PRR11: variants seen among roughly 807,000 people sequenced by gnomAD.
PRR11 encodes proline-rich protein 11.
A neutral mutation model predicts 45.6 loss-of-function variants in PRR11; 30 were observed. The observed-to-expected ratio is 0.66, with a 90% CI of 0.49 to 0.89. The LOEUF (loss-of-function observed/expected upper bound fraction) is 0.89. Ranked by LOEUF, PRR11 falls within the 40% of genes least tolerant of loss-of-function variation. The pLI, the probability that PRR11 is intolerant of heterozygous loss-of-function variation, is 0.00. For synonymous variants in PRR11, 128 were observed against 153.5 expected, an observed-to-expected ratio of 0.83 and a Z score of 1.23; for missense variants, 373 against 424.8, an observed-to-expected ratio of 0.88 and a Z score of 1.07.
At chr17:59,181,567 T>TGCTTCA in intron 2 of PRR11, 2 of 1,280,774 alleles carry the variant, frequency 1.6e-6, no homozygotes, top group Admixed American at 1.7e-5. Flanking sequence ...CACTAGCCGT[T>TGCTTCA]GCTTCAGCTT....
Position 59,174,851 on chromosome 17 carries a change from G to A in PRR11, c.128+4971G>A, listed in dbSNP as rs546264273. 1.3e-4 allele frequency: 163 copies of A among 1,260,408 alleles called. 1 individual carries two copies. In the South Asian group the frequency reaches 1.8e-3, roughly 14 times the overall value. 78.1% of individuals were successfully genotyped at this position (1,260,408 alleles called of 1,614,324 possible). A position where few individuals can be genotyped will look rare whatever the true frequency, so the allele number is the denominator to read the frequency against. On this transcript the variant is annotated intron_variant, in intron 2 of 9. Coordinates refer to ENST00000262293, the MANE Select transcript of PRR11 (RefSeq NM_018304.4). The stretch of plus-strand genomic sequence containing the variant: ...TAAGCCTGGATCTGGAAAAACAAAC[G>A]CCCCTTAAGAAGATGGGGACTCCCC...
intron 1 of PRR11, among the ~76,000 whole-genome samples, chr17:59,159,294 C>T (rs1485276602): frequency 6.6e-6 from 1 of 152,196 alleles, no homozygotes; most frequent in Non-Finnish European, 1.5e-5. Context: ...ACATATTTCT[C>T]TGGGTAATTT....
intron 2 of PRR11, among the ~76,000 whole-genome samples, chr17:59,175,543 C>G (rs1476979071): frequency 2.0e-5 from 3 of 152,136 alleles, no homozygotes; most frequent in African/African-American, 7.2e-5. Context: ...AGGTGGGTCG[C>G]TTGAGGCCAG....
chr17:59,157,708 C>CAA (rs112975995), intron 1 of PRR11, among the ~76,000 whole-genome samples: 1 of 141,132 alleles, frequency 7.1e-6, no homozygotes, highest in African/African-American at 2.6e-5. Flanking sequence ...TCCACCCCCC[C>CAA]AAAAAAAAAA....
chr17:59,163,799 G>T (rs548644888), intron 1 of PRR11: 18 of 152,366 alleles, frequency 1.2e-4, no homozygotes, highest in Admixed American at 2.6e-4. Flanking sequence ...GGGCGCAGTG[G>T]CTCATGCCTG....
At chr17:59,162,108 C>G (rs1395835033) in intron 1 of PRR11, among the ~76,000 whole-genome samples, 1 of 152,040 alleles carries the variant, frequency 6.6e-6, no homozygotes, top group African/African-American at 2.4e-5. Flanking sequence ...CAGACTGCAT[C>G]TTTCTACCCT....
intron 1 of PRR11, among the ~76,000 whole-genome samples, chr17:59,157,618 C>A (rs1229540237): frequency 6.6e-6 from 1 of 152,020 alleles, no homozygotes; most frequent in Non-Finnish European, 1.5e-5. Flanking sequence ...AGGATAATCG[C>A]TTGAACCCAG....
intron 2 of PRR11, among the ~76,000 whole-genome samples, chr17:59,180,127 CTTTTTT>C (rs564643757): frequency 6.1e-5 from 7 of 114,938 alleles, no homozygotes; most frequent in Admixed American, 4.7e-4. Flanking sequence ...TGAGTCTCTC[CTTTTTT>C]TTTTTTTTTT....
chr17:59,157,876 C>T (rs2046633765), intron 1 of PRR11, among the ~76,000 whole-genome samples: 1 of 152,042 alleles, frequency 6.6e-6, no homozygotes, highest in Admixed American at 6.6e-5. Context: ...AGAGGATACT[C>T]TAAACAGAAG....
At chr17:59,186,740 A>G (rs1372818371) in intron 4 of PRR11, among the ~76,000 whole-genome samples, 1 of 152,188 alleles carries the variant, frequency 6.6e-6, no homozygotes, top group Non-Finnish European at 1.5e-5. Context: ...AAATAAATTT[A>G]TGCACAGCAA....
At chr17:59,191,621 T>A (rs1394336737) in intron 4 of PRR11, among the ~76,000 whole-genome samples, 4 of 152,146 alleles carry the variant, frequency 2.6e-5, no homozygotes, top group African/African-American at 7.2e-5. Context: ...TTCCTGCTGT[T>A]GCTAATCTCT....
intron 1 of PRR11, among the ~76,000 whole-genome samples, chr17:59,157,298 G>A (rs2046630354): frequency 6.6e-6 from 1 of 152,120 alleles, no homozygotes; most frequent in South Asian, 2.1e-4. Context: ...AGTCCAGCAG[G>A]ATGACAAACA....
At chr17:59,171,194 C>T (rs2046706585) in intron 2 of PRR11, among the ~76,000 whole-genome samples, 1 of 151,766 alleles carries the variant, frequency 6.6e-6, no homozygotes, top group Non-Finnish European at 1.5e-5. Flanking sequence ...GCCCGGGAGG[C>T]AGAGCTTGCA....
chr17:59,172,848 G>A (rs7216002), intron 2 of PRR11, among the ~76,000 whole-genome samples: 2,806 of 152,330 alleles, frequency 0.018, 93 homozygotes, highest in African/African-American at 0.062. Context: ...CCTGACGAGC[G>A]CCGCCCCCTG....
intron 4 of PRR11, 46 bp from the exon 5 acceptor site, chr17:59,193,446 C>A: frequency 1.2e-6 from 2 of 1,608,708 alleles, no homozygotes; most frequent in South Asian, 2.2e-5. Flanking sequence ...CCTCAAGAAT[C>A]AAATTAACTT....
chr17:59,196,275 A>G (rs1266216691), intron 7 of PRR11, among the ~76,000 whole-genome samples: 1 of 152,304 alleles, frequency 6.6e-6, no homozygotes, highest in East Asian at 1.9e-4. Flanking sequence ...ATGATTATAC[A>G]CAGACAGATA....
chr17:59,181,412 TG>T, intron 2 of PRR11: 2 of 873,960 alleles, frequency 2.3e-6, no homozygotes, highest in East Asian at 4.3e-5. Flanking sequence ...GCTCACCCAC[TG>T]GGGGCATATT....
At chr17:59,158,607 A>G (rs562921332) in intron 1 of PRR11, among the ~76,000 whole-genome samples, 51 of 152,096 alleles carry the variant, frequency 3.4e-4, no homozygotes, top group African/African-American at 5.8e-4. Flanking sequence ...GCAATTGACA[A>G]TTGGTAAATC....
intron 2 of PRR11, chr17:59,179,897 G>A (rs1599699696): frequency 7.5e-7 from 1 of 1,333,380 alleles, no homozygotes; most frequent in Middle Eastern, 2.6e-4. Context: ...AAGAAACCAG[G>A]CCACTGTATA....
Sources: allele counts gnomAD v4.1 joint callset (sites outside exome capture counted in the v4.1 genomes callset), GRCh38; gene constraint gnomAD v4.1.1; transcripts MANE v1.5; gene names NCBI Gene and HGNC (gene_info 2026-07-23, HGNC 2026-07-21).